ATRN: variants seen among roughly 807,000 people sequenced by gnomAD.
The protein encoded by ATRN is attractin-2.
A neutral mutation model predicts 178.7 loss-of-function variants in ATRN; 54 were observed. The ratio of observed to expected loss-of-function variants is 0.30; its 90% CI spans 0.24 to 0.38. ATRN has a LOEUF of 0.38. ATRN is among the 10% of genes least tolerant of loss of function. The pLI is 1.00. For missense variants in ATRN, 1,443 were observed against 1,815.1 expected (o/e 0.79, Z 3.73); for synonymous variants, 636 against 663.0 (o/e 0.96, Z 0.63).
chr20:3,547,544 A>G, intron 5 of ATRN, 55 bp downstream of exon 5: 1 of 1,349,956 alleles, frequency 7.4e-7, no homozygotes, highest in Admixed American at 2.1e-5. Flanking sequence ...ATTCCCACTA[A>G]ATAAATTATA....
chr20:3,612,801 G>T (rs918884488), intron 24 of ATRN, among the ~76,000 whole-genome samples: 3 of 152,056 alleles, frequency 2.0e-5, no homozygotes, highest in Non-Finnish European at 2.9e-5. Flanking sequence ...ATCGTGCTTT[G>T]TTGCTTATAG....
intron 6 of ATRN, among the ~76,000 whole-genome samples, chr20:3,553,449 A>G (rs994713122): frequency 6.6e-6 from 1 of 152,190 alleles, no homozygotes; most frequent in Non-Finnish European, 1.5e-5. Flanking sequence ...GTAGGTTTCT[A>G]TCAAATCTGT....
At chr20:3,490,091 G>T (rs2084764807) in intron 1 of ATRN, 1 of 1,353,318 alleles carries the variant, frequency 7.4e-7, no homozygotes, top group Non-Finnish European at 1.1e-6. Context: ...TGTCTCGCTT[G>T]GTGCCCTTTG....
intron 1 of ATRN, among the ~76,000 whole-genome samples, chr20:3,486,833 C>T (rs2084701481): frequency 6.6e-6 from 1 of 152,078 alleles, no homozygotes; most frequent in Non-Finnish European, 1.5e-5. Flanking sequence ...AGTGTATGTG[C>T]ATTCTTTATC....
Position 3,572,716 on chromosome 20 carries a change from C to G in ATRN, c.1872-15C>G. ...GAGTCTCTAGTAAATTTCTTCTCTC[C>G]CTTTTTCCTCTTAGCACCATGTATG... On this transcript the variant is annotated splice_polypyrimidine_tract_variant and intron_variant, in intron 11 of 28. Coordinates refer to ENST00000262919, the MANE Select transcript of ATRN (RefSeq NM_139321.3). 1 of 1,604,586 alleles carries G rather than the reference C, an allele frequency of 6.2e-7. No homozygotes were observed. The highest frequency in any genetic ancestry group is 8.5e-7 in the Non-Finnish European group (1 of 1,173,886).
chr20:3,594,827 C>G (rs1479463215), intron 20 of ATRN, among the ~76,000 whole-genome samples: 1 of 152,144 alleles, frequency 6.6e-6, no homozygotes, highest in Non-Finnish European at 1.5e-5. Context: ...CTGACATTTC[C>G]TGGGTTGTCC....
At chr20:3,558,695 A>C (rs1047311376) in intron 6 of ATRN, among the ~76,000 whole-genome samples, 4 of 151,896 alleles carry the variant, frequency 2.6e-5, no homozygotes, top group Non-Finnish European at 5.9e-5. Context: ...TTAGCTCTTT[A>C]TTCTTTGTAT....
At chr20:3,600,545 G>A (rs1026435469) in intron 22 of ATRN, among the ~76,000 whole-genome samples, 1 of 151,968 alleles carries the variant, frequency 6.6e-6, no homozygotes, top group African/African-American at 2.4e-5. Flanking sequence ...ATAATTTTGG[G>A]CACTTGATCA....
At position 3,639,087 on chromosome 20, in the gene ATRN, G is replaced by C. The variant is rs538531932; in HGVS notation, c.4050+152G>C. The C allele has an allele frequency of 5.3e-4, 302 of 575,132 alleles. 1 individual carries two copies. The African/African-American group carries it at 5.3e-3, about 10-fold the overall frequency. 35.6% of individuals were successfully genotyped at this position (575,132 alleles called of 1,614,324 possible). The stretch of plus-strand genomic sequence containing the variant: ...AATAAGCTAAAACCTGAAGTTGCTG[G>C]GTACTCTTTTGCTTTTGTTTTTCAA... On this transcript the variant is annotated intron_variant, in intron 27 of 28. Coordinates refer to ENST00000262919, the MANE Select transcript of ATRN (RefSeq NM_139321.3).
intron 1 of ATRN, among the ~76,000 whole-genome samples, chr20:3,534,568 G>A (rs1406249328): frequency 6.6e-6 from 1 of 152,182 alleles, no homozygotes; most frequent in Non-Finnish European, 1.5e-5. Context: ...CCAGAAGCGA[G>A]CATGTGTTCA....
intron 20 of ATRN, among the ~76,000 whole-genome samples, chr20:3,594,831 G>T (rs567473901): frequency 6.6e-6 from 1 of 152,242 alleles, no homozygotes; most frequent in East Asian, 1.9e-4. Context: ...CATTTCCTGG[G>T]TTGTCCATTT....
chr20:3,471,664 C>A, intron 1 of ATRN, 147 bp downstream of exon 1: 1 of 1,124,718 alleles, frequency 8.9e-7, no homozygotes, highest in Non-Finnish European at 1.2e-6. Context: ...CATTTGCTTC[C>A]GGGGAGATCA....
chr20:3,494,508 G>A (rs2084851218), intron 1 of ATRN, among the ~76,000 whole-genome samples: 1 of 152,162 alleles, frequency 6.6e-6, no homozygotes, highest in Non-Finnish European at 1.5e-5. Context: ...TAGACTAGGA[G>A]GAGGAGAATT....
chr20:3,608,288 A>G (rs772749604), intron 24 of ATRN, among the ~76,000 whole-genome samples: 9 of 152,182 alleles, frequency 5.9e-5, no homozygotes, highest in Admixed American at 3.3e-4. Context: ...GCCCAGACCA[A>G]TGTCCTGAAG....
chr20:3,650,387 T>A lies in ATRN; in HGVS notation c.*3540T>A, dbSNP rs567119673. On this transcript the variant is annotated 3_prime_UTR_variant, in exon 29 of 29. Transcript: ENST00000262919. ...GAGATGTAAAAATAGATTTTAGAAT[T>A]AAAACAAAATCCAAGTCCTCACACC... 3.2e-4 allele frequency: 49 copies of A among 152,744 alleles called. No individual in the cohort carries two copies. Among genetic ancestry groups the A allele is most frequent in the Non-Finnish European group, 1.5e-5 (1 of 68,036 alleles). The allele number at this position is 152,744 out of a possible 1,614,324, so 9.5% of individuals were successfully genotyped here.
intron 1 of ATRN, among the ~76,000 whole-genome samples, chr20:3,500,783 A>G (rs1014204759): frequency 5.3e-5 from 8 of 151,888 alleles, no homozygotes; most frequent in East Asian, 3.9e-4. Flanking sequence ...ACATGTATAC[A>G]TATGTAACTA....
chr20:3,471,324 CT>C lies in ATRN; in HGVS notation c.218del (p.Leu73ArgfsTer66). The C allele has an allele frequency of 2.7e-6, 4 of 1,483,848 alleles. No homozygotes were observed. Among genetic ancestry groups the C allele is most frequent in the East Asian group, 2.9e-5 (1 of 34,834 alleles). 91.9% of individuals were successfully genotyped at this position (1,483,848 alleles called of 1,614,324 possible). ...GCTGTTGTTGCTCTCGCCGCCGCTG[CT>C]GCTGCTGCTGCTGCCCTGTGAGGCC... is the stretch of plus-strand genomic sequence containing the variant. ...LLLLLLSPPL[L>X]LLLLPCEAEA... On this transcript the variant is annotated frameshift_variant, in exon 1 of 29. Transcript: ENST00000262919. LOFTEE classifies it high-confidence loss of function.
intron 24 of ATRN, among the ~76,000 whole-genome samples, chr20:3,604,948 T>A (rs2086658652): frequency 6.6e-6 from 1 of 152,160 alleles, no homozygotes; most frequent in Non-Finnish European, 1.5e-5. Flanking sequence ...CTTTTTATAC[T>A]CATGTCACCT....
chr20:3,583,806 C>CAA (rs368165282), intron 16 of ATRN, 92 bp from the exon 17 acceptor site: 945 of 1,046,372 alleles, frequency 9.0e-4, no homozygotes, highest in Non-Finnish European at 1.0e-3. Context: ...GACTCCGTCT[C>CAA]AAAAAAAAAA....
Sources: allele counts gnomAD v4.1 joint callset (sites outside exome capture counted in the v4.1 genomes callset), GRCh38; gene constraint gnomAD v4.1.1; transcripts MANE v1.5; gene names NCBI Gene and HGNC (gene_info 2026-07-23, HGNC 2026-07-21).